Variants in DRC2 observed in about 807,000 individuals in gnomAD.
DRC2 encodes the protein coiled-coil domain containing 65.
chr12:48,921,326 T>G, the DRC2 span: 10 of 1,614,158 alleles, frequency 6.2e-6, 1 homozygote, highest in South Asian at 1.1e-4. Flanking sequence ...TCTCAGTGAG[T>G]GACGAAGTGC....
the DRC2 span, among the ~76,000 whole-genome samples, chr12:48,920,485 TG>T: frequency 2.8e-5 from 4 of 144,336 alleles, no homozygotes; most frequent in Non-Finnish European, 6.0e-5. Context: ...AGAATGAGTT[TG>T]TTTTTTTTTT....
the DRC2 span, among the ~76,000 whole-genome samples, chr12:48,908,469 T>C: frequency 3.3e-5 from 5 of 152,036 alleles, no homozygotes; most frequent in African/African-American, 9.7e-5. Flanking sequence ...CCTCCTGTAG[T>C]TGAGACCTGG....
At chr12:48,906,302 A>ATT in the DRC2 span, among the ~76,000 whole-genome samples, 51 of 134,906 alleles carry the variant, frequency 3.8e-4, no homozygotes, top group African/African-American at 7.7e-4. Flanking sequence ...CACCTTATGG[A>ATT]TTTTTTTTTT....
the DRC2 span, among the ~76,000 whole-genome samples, chr12:48,916,455 TCAGGCGTGGAGGCGCGCGCCTGCAATCG>T: frequency 2.0e-3 from 305 of 151,984 alleles, 3 homozygotes; most frequent in Non-Finnish European, 8.1e-4. Context: ...CGAAAACCAG[TCAGGCGTGGAGGCGCGCGCCTGCAATCG>T]CAGGCACTCG....
the DRC2 span, chr12:48,918,530 TG>T: frequency 6.4e-7 from 1 of 1,564,516 alleles, no homozygotes; most frequent in East Asian, 2.3e-5. Flanking sequence ...TCCCCTCTTT[TG>T]CTTCCCCTTG....
chr12:48,921,203 G>T, the DRC2 span: 2 of 1,614,078 alleles, frequency 1.2e-6, no homozygotes, highest in Non-Finnish European at 1.7e-6. Flanking sequence ...AGAATTTCTG[G>T]AAAAGGTACA....
chr12:48,921,356 CTT>C, the DRC2 span: 64 of 1,614,178 alleles, frequency 4.0e-5, 1 homozygote, highest in East Asian at 1.4e-3. Context: ...TCAACCCACT[CTT>C]TATAGTCAAC....
the DRC2 span, chr12:48,904,794 C>A: frequency 1.5e-6 from 1 of 647,402 alleles, no homozygotes; most frequent in Non-Finnish European, 2.6e-6. Context: ...GATGCTCCCA[C>A]CCTGAAGGAA....
At chr12:48,912,502 C>CT in the DRC2 span, among the ~76,000 whole-genome samples, 1 of 148,858 alleles carries the variant, frequency 6.7e-6, no homozygotes, top group Non-Finnish European at 1.5e-5. Context: ...TGTTAGGCTC[C>CT]TGGAGGGACC....
At chr12:48,908,450 T>C in the DRC2 span, among the ~76,000 whole-genome samples, 2 of 152,008 alleles carry the variant, frequency 1.3e-5, no homozygotes, top group African/African-American at 4.8e-5. Context: ...TGCTGTCCTT[T>C]TCCACTGTCC....
At chr12:48,920,905 T>C in the DRC2 span, 1 of 1,591,892 alleles carries the variant, frequency 6.3e-7, no homozygotes, top group South Asian at 1.1e-5. Context: ...TTTCCTAATA[T>C]AAACTCTCTT....
chr12:48,911,705 T>C, the DRC2 span, among the ~76,000 whole-genome samples: 1 of 152,094 alleles, frequency 6.6e-6, no homozygotes, highest in Non-Finnish European at 1.5e-5. Context: ...CTTCAGATGA[T>C]CTTCCTGCCT....
At chr12:48,912,934 G>A in the DRC2 span, among the ~76,000 whole-genome samples, 33 of 151,628 alleles carry the variant, frequency 2.2e-4, no homozygotes, top group Non-Finnish European at 4.3e-4. Context: ...TCAAGAGATC[G>A]AGACCATCCT....
At chr12:48,908,570 G>GATTATTATT in the DRC2 span, among the ~76,000 whole-genome samples, 22 of 141,064 alleles carry the variant, frequency 1.6e-4, no homozygotes, top group East Asian at 1.0e-3. Flanking sequence ...GAACTACCAG[G>GATTATTATT]ATTATTATTA....
At chr12:48,914,572 A>G in the DRC2 span, 1 of 1,613,754 alleles carries the variant, frequency 6.2e-7, no homozygotes, top group Non-Finnish European at 8.5e-7. Context: ...TGAGACAGAA[A>G]GGTATGGGGG....
the DRC2 span, among the ~76,000 whole-genome samples, chr12:48,916,347 C>T: frequency 6.6e-6 from 1 of 152,292 alleles, no homozygotes; most frequent in Admixed American, 6.5e-5. Context: ...TCTGCAATCC[C>T]GGCACCTCGG....
At chr12:48,913,779 G>A in the DRC2 span, among the ~76,000 whole-genome samples, 10 of 151,982 alleles carry the variant, frequency 6.6e-5, no homozygotes, top group Non-Finnish European at 1.2e-4. Context: ...ACAGGCTTGT[G>A]CCACCGCACC....
At chr12:48,917,050 A>C in the DRC2 span, 1 of 1,614,004 alleles carries the variant, frequency 6.2e-7, no homozygotes, top group Non-Finnish European at 8.5e-7. Flanking sequence ...AACTATATAG[A>C]TTCTGAGTAT....
the DRC2 span, chr12:48,904,602 A>T: frequency 7.7e-7 from 1 of 1,301,080 alleles, no homozygotes; most frequent in South Asian, 1.5e-5. Flanking sequence ...CTTAGATTTC[A>T]GGCAACATTG....
Sources: gnomAD v4.1 joint callset for allele counts (sites outside exome capture counted in the v4.1 genomes callset) on GRCh38, gnomAD v4.1.1 for gene constraint, MANE v1.5 for transcripts, NCBI Gene and HGNC (gene_info 2026-07-23, HGNC 2026-07-21) for gene names.